BTBD9: variants seen among roughly 807,000 people sequenced by gnomAD.
BTBD9 encodes BTB domain containing 9.
In BTBD9, 49 loss-of-function variants were observed where a neutral mutation model predicts 64.3. That is an observed-to-expected ratio of 0.76 (90% CI 0.61 to 0.97). The LOEUF is 0.97. Ranked by LOEUF, BTBD9 falls within the 50% of genes least tolerant of loss-of-function variation. BTBD9 has a pLI of 0.00. For synonymous variants in BTBD9, 260 were observed against 274.7 expected (o/e 0.95, Z 0.53); for missense variants, 598 against 762.1 (o/e 0.78, Z 2.53).
chr6:38,615,828 C>T (rs550743111), intron 1 of BTBD9, among the ~76,000 whole-genome samples: 72 of 152,212 alleles, frequency 4.7e-4, no homozygotes, highest in South Asian at 1.5e-3. Flanking sequence ...GTAATTATTG[C>T]GGTCCTTTTT....
At chr6:38,438,232 G>A (rs62397051) in intron 6 of BTBD9, among the ~76,000 whole-genome samples, 10,784 of 33,236 alleles carry the variant, frequency 0.32, 987 homozygotes, top group South Asian at 0.49. Context: ...GGGAGGGAGG[G>A]AGGGAGGGAG....
rs1775989186 is a variant in BTBD9 at position 38,575,649 on chromosome 6, CCT to C, written c.1154+1949_1154+1950del. Among the ~76,000 whole-genome samples, 5 of 152,068 alleles carry C rather than the reference CCT, an allele frequency of 3.3e-5. No homozygotes were observed. The South Asian group carries it at 1.0e-3, about 32-fold the overall frequency. ...TTTTTAAATACTATCAAAATTATAACCTAGTAAAAAAGACAGTTTACTAAGGA... is the reference window on the plus strand; with the variant it reads ...TTTTTAAATACTATCAAAATTATAACAGTAAAAAAGACAGTTTACTAAGGA... On this transcript the variant is annotated intron_variant, in intron 6 of 10. Transcript: ENST00000481247.
intron 6 of BTBD9, among the ~76,000 whole-genome samples, chr6:38,481,176 G>T (rs555943788): frequency 6.6e-6 from 1 of 152,236 alleles, no homozygotes; most frequent in East Asian, 1.9e-4. Context: ...AGAGAAGAAT[G>T]GCATATAACC....
chr6:38,551,996 C>T (rs1200503445), intron 6 of BTBD9, among the ~76,000 whole-genome samples: 1 of 152,134 alleles, frequency 6.6e-6, no homozygotes, highest in African/African-American at 2.4e-5. Context: ...CCAGGAATTC[C>T]TGCTCTGCCA....
At chr6:38,521,240 C>T (rs1773261324) in intron 6 of BTBD9, among the ~76,000 whole-genome samples, 2 of 151,968 alleles carry the variant, frequency 1.3e-5, no homozygotes, top group African/African-American at 4.8e-5. Flanking sequence ...ATCTTTTTTA[C>T]CTTAATTTCT....
At chr6:38,261,169 C>T (rs1278588077) in intron 8 of BTBD9, among the ~76,000 whole-genome samples, 1 of 151,976 alleles carries the variant, frequency 6.6e-6, no homozygotes, top group Non-Finnish European at 1.5e-5. Context: ...TAAGCAATCC[C>T]TCCACCTCAG....
chr6:38,309,482 G>A (rs1004252619), intron 7 of BTBD9, among the ~76,000 whole-genome samples: 11 of 150,832 alleles, frequency 7.3e-5, no homozygotes, highest in African/African-American at 1.2e-4. Flanking sequence ...ATGTGATCTC[G>A]GCTCACTGCA....
intron 6 of BTBD9, among the ~76,000 whole-genome samples, chr6:38,439,527 A>T (rs1768927064): frequency 6.6e-6 from 1 of 151,980 alleles, no homozygotes; most frequent in Non-Finnish European, 1.5e-5. Flanking sequence ...CCCGGGCTCA[A>T]GTGATTCTCC....
At position 38,395,975 on chromosome 6, in the gene BTBD9, T is replaced by C. The variant is rs892559000; in HGVS notation, c.1155-50882A>G. ...TCGCCCGCCTCGGCCTCCCAAAGTG[T>C]TGGGATTATAAGCATGAGCCACCGC... On this transcript the variant is annotated intron_variant, in intron 6 of 10. Coordinates refer to ENST00000481247, the MANE Select transcript of BTBD9 (RefSeq NM_001099272.2). 8.5e-5 allele frequency among the ~76,000 whole-genome samples: 13 copies of C among 152,110 alleles called. 1 individual carries two copies. Among genetic ancestry groups the C allele is most frequent in the Non-Finnish European group, 1.5e-5 (1 of 67,998 alleles).
chr6:38,369,132 C>G (rs186717518), intron 6 of BTBD9, among the ~76,000 whole-genome samples: 1 of 152,290 alleles, frequency 6.6e-6, no homozygotes, highest in African/African-American at 2.4e-5. Flanking sequence ...TAATATTTCT[C>G]AAATCTGTGC....
intron 6 of BTBD9, among the ~76,000 whole-genome samples, chr6:38,519,874 T>G (rs1293860012): frequency 2.0e-5 from 3 of 152,204 alleles, no homozygotes; most frequent in Non-Finnish European, 4.4e-5. Flanking sequence ...AACCAGAGTC[T>G]TGACTAACAT....
chr6:38,575,709 T>A (rs1044578782), intron 6 of BTBD9, among the ~76,000 whole-genome samples: 54 of 152,196 alleles, frequency 3.5e-4, no homozygotes, highest in Non-Finnish European at 7.4e-4. Context: ...CTATAATTTT[T>A]AAAAAATTCT....
chr6:38,247,288 C>T (rs1048175375), intron 9 of BTBD9, among the ~76,000 whole-genome samples: 27 of 152,166 alleles, frequency 1.8e-4, no homozygotes, highest in African/African-American at 5.8e-4. Flanking sequence ...TGTCCTCAGC[C>T]ACTGCAGCAC....
intron 9 of BTBD9, among the ~76,000 whole-genome samples, chr6:38,195,749 A>C (rs184997281): frequency 1.3e-3 from 205 of 152,256 alleles, no homozygotes; most frequent in Admixed American, 3.7e-3. Flanking sequence ...TAAAAATTTT[A>C]AACTTATTTA....
At chr6:38,414,342 G>A (rs1325160148) in intron 6 of BTBD9, among the ~76,000 whole-genome samples, 43 of 152,084 alleles carry the variant, frequency 2.8e-4, no homozygotes, top group Admixed American at 2.8e-3. Context: ...TGTCTTTTGT[G>A]TTCCATGGCA....
intron 6 of BTBD9, among the ~76,000 whole-genome samples, chr6:38,365,815 A>G (rs762830029): frequency 2.6e-5 from 4 of 152,084 alleles, no homozygotes; most frequent in Admixed American, 6.6e-5. Flanking sequence ...AATGCTACCG[A>G]TAAGTAACAT....
intron 6 of BTBD9, among the ~76,000 whole-genome samples, chr6:38,373,813 C>T (rs1418116671): frequency 1.3e-5 from 2 of 152,088 alleles, no homozygotes; most frequent in African/African-American, 2.4e-5. Context: ...TAGGTGTGAG[C>T]CACCACCTCA....
intron 1 of BTBD9, among the ~76,000 whole-genome samples, chr6:38,625,402 C>T (rs909374072): frequency 1.3e-5 from 2 of 152,282 alleles, no homozygotes; most frequent in Middle Eastern, 3.4e-3. Context: ...TAGCTACTTG[C>T]CCATTTGCCC....
intron 10 of BTBD9, among the ~76,000 whole-genome samples, chr6:38,190,461 T>G (rs1219892151): frequency 9.2e-6 from 1 of 108,774 alleles, no homozygotes; most frequent in Non-Finnish European, 1.8e-5. Context: ...AGAGTGAAAC[T>G]CTGTCTAAAA....
Sources: allele counts gnomAD v4.1 joint callset (sites outside exome capture counted in the v4.1 genomes callset), GRCh38; gene constraint gnomAD v4.1.1; transcripts MANE v1.5; gene names NCBI Gene and HGNC (gene_info 2026-07-23, HGNC 2026-07-21).